PRDM4: variants seen among roughly 807,000 people sequenced by gnomAD.
The protein encoded by PRDM4 is PR domain zinc finger protein 4.
In PRDM4, 38 loss-of-function variants were observed where a neutral mutation model predicts 62.3. The observed-to-expected ratio is 0.61, with a 90% CI of 0.47 to 0.80. The LOEUF is 0.80. PRDM4 is among the 30% of genes least tolerant of loss of function. PRDM4 has a pLI of 0.00. For synonymous variants in PRDM4, 339 were observed against 348.2 expected (o/e 0.97, Z 0.30); for missense variants, 858 against 997.1 (o/e 0.86, Z 1.88).
At chr12:107,746,150 A>G in intron 6 of PRDM4, 125 bp downstream of exon 6, 2 of 1,184,054 alleles carry the variant, frequency 1.7e-6, no homozygotes, top group Non-Finnish European at 2.4e-6. Context: ...ATAAAAGCAT[A>G]AATCTTAAGC....
At chr12:107,755,340 C>A (rs1032886087) in intron 3 of PRDM4, among the ~76,000 whole-genome samples, 8 of 152,074 alleles carry the variant, frequency 5.3e-5, no homozygotes, top group Non-Finnish European at 1.0e-4. Flanking sequence ...TCAAGTGATC[C>A]TCCTGCCTTG....
chr12:107,743,947 T>C (rs1335933236), intron 7 of PRDM4, among the ~76,000 whole-genome samples: 1 of 152,078 alleles, frequency 6.6e-6, no homozygotes, highest in Non-Finnish European at 1.5e-5. Context: ...AAACCCCGTC[T>C]CTACAAAAAT....
intron 6 of PRDM4, 107 bp downstream of exon 6, chr12:107,746,168 T>C (rs1890696683): frequency 7.5e-7 from 1 of 1,339,352 alleles, no homozygotes; most frequent in South Asian, 1.3e-5. Context: ...AGCCATAAAT[T>C]GACTTTTGGT....
chr12:107,753,551 A>G (rs1890967997), intron 4 of PRDM4, among the ~76,000 whole-genome samples: 2 of 152,206 alleles, frequency 1.3e-5, no homozygotes, highest in African/African-American at 4.8e-5. Flanking sequence ...CGCAATAAGC[A>G]TATAATACTC....
chr12:107,744,924 G>A (rs1890641747), intron 6 of PRDM4, among the ~76,000 whole-genome samples: 1 of 152,180 alleles, frequency 6.6e-6, no homozygotes. Flanking sequence ...GCTGGGCGTG[G>A]TGGCGCACGC....
intron 10 of PRDM4, 90 bp downstream of exon 10, chr12:107,740,856 A>G: frequency 7.5e-7 from 1 of 1,331,856 alleles, no homozygotes; most frequent in Non-Finnish European, 1.0e-6. Context: ...ATCAAATCTC[A>G]ACTCCACCTA....
Position 107,741,199 on chromosome 12 carries a change from T to C in PRDM4, c.1671A>G (p.Thr557=), listed in dbSNP as rs559053873. 5.0e-6 allele frequency: 8 copies of C among 1,614,188 alleles called. No individual in the cohort carries two copies. The highest frequency in any genetic ancestry group is 4.5e-5 in the East Asian group (2 of 44,878). Reference sequence around the variant, plus strand: ...GGCTGGTCAGATGGGCTTTGAACTCTGTGTAAGAATTGCACTCCTTGCCAC... The same window carrying C: ...GGCTGGTCAGATGGGCTTTGAACTCCGTGTAAGAATTGCACTCCTTGCCAC... ...CNCGKECNSY[T]EFKAHLTSHI... Residue 557 remains threonine (T), a synonymous_variant, in exon 10 of 12, where the codon ACA becomes ACG. Transcript: ENST00000228437.
intron 2 of PRDM4, 132 bp downstream of exon 2, chr12:107,760,373 G>A: frequency 8.5e-7 from 1 of 1,177,570 alleles, no homozygotes; most frequent in Non-Finnish European, 1.2e-6. Context: ...ACTAGTTTCT[G>A]GATTTGTTTC....
intron 10 of PRDM4, among the ~76,000 whole-genome samples, chr12:107,740,583 A>G (rs1890485696): frequency 6.6e-6 from 1 of 152,188 alleles, no homozygotes; most frequent in Non-Finnish European, 1.5e-5. Context: ...AACTGTGGCA[A>G]TATTTATTGA....
At chr12:107,737,433 CCTT>C (rs1054586333) in intron 11 of PRDM4, among the ~76,000 whole-genome samples, 50 of 152,238 alleles carry the variant, frequency 3.3e-4, no homozygotes, top group Middle Eastern at 3.4e-3. Flanking sequence ...CAGTCCAAAA[CCTT>C]CTTTCTATCC....
intron 1 of PRDM4, 51 bp from the exon 2 acceptor site, chr12:107,760,822 C>T (rs1319179037): frequency 6.9e-6 from 2 of 291,124 alleles, no homozygotes; most frequent in Non-Finnish European, 1.3e-5. Context: ...AAGGTCGCAG[C>T]CCCCATCCCA....
chr12:107,760,036 T>A (rs1359134920), intron 2 of PRDM4: 1 of 152,796 alleles, frequency 6.5e-6, no homozygotes, highest in Non-Finnish European at 1.5e-5. Flanking sequence ...TTCCTTATTC[T>A]AAACATACGG....
chr12:107,738,503 A>G (rs555045391), intron 11 of PRDM4: 22 of 152,254 alleles, frequency 1.4e-4, no homozygotes, highest in Non-Finnish European at 2.9e-4. Flanking sequence ...AGATTTCTAA[A>G]GAGAATTTCC....
intron 9 of PRDM4, among the ~76,000 whole-genome samples, chr12:107,741,831 C>T (rs1296397978): frequency 6.6e-6 from 1 of 152,156 alleles, no homozygotes; most frequent in Non-Finnish European, 1.5e-5. Context: ...TTATAGCATA[C>T]CCAAACTCTT....
In PRDM4 at chr12:107,733,184, G is replaced by T. The variant is rs1890225527; in HGVS notation, c.*1026C>A. 3 of 152,338 alleles carry T rather than the reference G, an allele frequency of 2.0e-5. No homozygotes were observed. The South Asian group carries it at 6.2e-4, about 32-fold the overall frequency. The allele number at this position is 152,338 out of a possible 1,614,324, so 9.4% of individuals were successfully genotyped here. On this transcript the variant is annotated 3_prime_UTR_variant, in exon 12 of 12. Transcript: ENST00000228437. ...TTCTTTACCTTCCAAAAATCCTTTGGCATCTTCCATGCTTCTCTGATGAGG... is the reference window on the plus strand; with the variant it reads ...TTCTTTACCTTCCAAAAATCCTTTGTCATCTTCCATGCTTCTCTGATGAGG...
chr12:107,743,191 T>TCATA lies in PRDM4; in HGVS notation c.1481+2_1481+5dup. ...ACTATTTTTTCTCATCCAAGACTAC[T>TCATA]CATACCTGGCTTTGCGCACAAACAT... On this transcript the variant is annotated splice_donor_region_variant and intron_variant, in intron 8 of 11. Coordinates refer to ENST00000228437, the MANE Select transcript of PRDM4 (RefSeq NM_012406.4). The TCATA allele has an allele frequency of 6.3e-7, 1 of 1,597,298 alleles. No homozygotes were observed. The highest frequency in any genetic ancestry group is 8.6e-7 in the Non-Finnish European group (1 of 1,164,720).
At chr12:107,735,419 A>G (rs747450804) in intron 11 of PRDM4, among the ~76,000 whole-genome samples, 1 of 152,080 alleles carries the variant, frequency 6.6e-6, no homozygotes, top group South Asian at 2.1e-4. Context: ...ATCTCATTAC[A>G]CCGTTATTTG....
Position 107,751,963 on chromosome 12 carries a change from G to A in PRDM4, c.578C>T (p.Thr193Ile). 1 of 1,614,230 alleles carries A rather than the reference G, an allele frequency of 6.2e-7. No individual in the cohort carries two copies. The change falls in exon 5 of 12, where the codon ACT becomes ATT. Residue 193 changes from threonine (T) to isoleucine (I), a missense_variant. This residue lies in a region of PRDM4 where 499 missense variants were observed against 546.7 expected (regional missense o/e 0.91). Transcript: ENST00000228437. ...GHEVALDTAI[T>I]MENVSRVTSP... ...GGTAACCCTAGAAACGTTCTCCATA[G>A]TGATTGCTGTGTCCAAGGCCACCTC...
At chr12:107,752,946 C>G (rs1014222213) in intron 4 of PRDM4, among the ~76,000 whole-genome samples, 3 of 152,098 alleles carry the variant, frequency 2.0e-5, no homozygotes, top group African/African-American at 7.2e-5. Context: ...CCATCAAATA[C>G]CCATTCAGTA....
Sources: allele counts gnomAD v4.1 joint callset (sites outside exome capture counted in the v4.1 genomes callset), GRCh38; gene constraint gnomAD v4.1.1; regional missense constraint gnomAD v4.1.1; transcripts MANE v1.5; gene names NCBI Gene and HGNC (gene_info 2026-07-23, HGNC 2026-07-21).